MYCBP2: variants seen among roughly 807,000 people sequenced by gnomAD.
MYCBP2 encodes the protein MYC binding protein 2.
MYCBP2 carries 120 observed loss-of-function variants against 525.3 expected under a neutral mutation model. The ratio of observed to expected loss-of-function variants is 0.23; its 90% CI spans 0.20 to 0.27. The LOEUF is 0.27. Ranked by LOEUF, MYCBP2 falls within the 10% of genes least tolerant of loss-of-function variation. The probability of loss-of-function intolerance (pLI) is 1.00; values close to 1 mark genes in which losing one functional copy is unlikely to be tolerated. For synonymous variants in MYCBP2, 1,894 were observed against 1,955.8 expected, an observed-to-expected ratio of 0.97 and a Z score of 0.83; for missense variants, 4,149 against 5,657.1, an observed-to-expected ratio of 0.73 and a Z score of 8.55.
At chr13:77,069,718 A>T (rs1256036182) in intron 69 of MYCBP2, among the ~76,000 whole-genome samples, 1 of 148,738 alleles carries the variant, frequency 6.7e-6, no homozygotes, top group Non-Finnish European at 1.5e-5. Context: ...AAAAAAAAAA[A>T]TTAGCCAGCC....
At chr13:77,165,179 G>A (rs1758306534) in intron 42 of MYCBP2, 94 bp downstream of exon 42, 1 of 1,092,466 alleles carries the variant, frequency 9.2e-7, no homozygotes, top group Admixed American at 2.3e-5. Context: ...TCGAATAGAG[G>A]CAACAGTACA....
At chr13:77,059,497 G>A in intron 77 of MYCBP2, 26 bp downstream of exon 77, 1 of 1,521,930 alleles carries the variant, frequency 6.6e-7, no homozygotes, top group South Asian at 1.1e-5. Context: ...TGGACAATGG[G>A]ATGGCCTGTG....
In MYCBP2 at chr13:77,270,323, T is replaced by C. The variant is rs779336385; in HGVS notation, c.1161A>G (p.Ile387Met). The part of the protein sequence containing the change: ...YLLCKDGLYK[I>M]GSGYSGTVRG... ...TAACTGTTCCACTGTATCCAGAGCCTATTTTATATAATCCATCCTTGCATA... is the reference window on the plus strand; with the variant it reads ...TAACTGTTCCACTGTATCCAGAGCCCATTTTATATAATCCATCCTTGCATA... Residue 387 changes from isoleucine (I) to methionine (M), a missense_variant, in exon 6 of 83, where the codon ATA becomes ATG. By Grantham distance (10) the Ile-to-Met change is conservative. Transcript: ENST00000544440. The C allele has an allele frequency of 6.2e-7, 1 of 1,613,250 alleles. No homozygotes were observed. Among genetic ancestry groups the C allele is most frequent in the Non-Finnish European group, 8.5e-7 (1 of 1,179,432 alleles).
intron 31 of MYCBP2, 99 bp from the exon 32 acceptor site, chr13:77,185,476 A>G: frequency 8.2e-7 from 1 of 1,221,180 alleles, no homozygotes; most frequent in Non-Finnish European, 1.1e-6. Flanking sequence ...GCTAAGTATC[A>G]CAAGTACTAA....
intron 1 of MYCBP2, among the ~76,000 whole-genome samples, chr13:77,325,681 C>T (rs759377365): frequency 2.0e-4 from 30 of 152,158 alleles, no homozygotes; most frequent in Non-Finnish European, 4.4e-4. Context: ...CCTACAAAAC[C>T]CTCTCTACTC....
intron 55 of MYCBP2, among the ~76,000 whole-genome samples, chr13:77,103,493 C>T (rs865997784): frequency 3.3e-5 from 5 of 151,896 alleles, no homozygotes; most frequent in Admixed American, 6.6e-5. Flanking sequence ...AAACAAAGGT[C>T]GAATTAATTA....
At chr13:77,278,125 C>CA (rs1182573340) in intron 4 of MYCBP2, among the ~76,000 whole-genome samples, 9 of 151,848 alleles carry the variant, frequency 5.9e-5, no homozygotes, top group Non-Finnish European at 7.4e-5. Flanking sequence ...ATGATGAATA[C>CA]AAAAAAAAGT....
chr13:77,049,913 G>C (rs759192919), intron 82 of MYCBP2, among the ~76,000 whole-genome samples: 10 of 152,146 alleles, frequency 6.6e-5, no homozygotes, highest in African/African-American at 9.7e-5. Context: ...TGGGATTACA[G>C]GTGTCAGTCA....
chr13:77,309,198 C>A (rs1399288236), intron 1 of MYCBP2, among the ~76,000 whole-genome samples: 1 of 152,156 alleles, frequency 6.6e-6, no homozygotes, highest in Non-Finnish European at 1.5e-5. Flanking sequence ...CTTTTCCCTG[C>A]CTCCTGAAAA....
At chr13:77,245,969 C>A (rs2069856899) in intron 15 of MYCBP2, among the ~76,000 whole-genome samples, 1 of 151,996 alleles carries the variant, frequency 6.6e-6, no homozygotes, top group Non-Finnish European at 1.5e-5. Context: ...ATTACCTGTT[C>A]TTTTTCTCCT....
At chr13:77,166,946 G>A (rs1209933691) in intron 40 of MYCBP2, among the ~76,000 whole-genome samples, 2 of 144,466 alleles carry the variant, frequency 1.4e-5, no homozygotes, top group Admixed American at 7.0e-5. Flanking sequence ...ACACTTAGAT[G>A]GGATATACTT....
At chr13:77,131,747 C>T (rs1186602587) in intron 52 of MYCBP2, among the ~76,000 whole-genome samples, 1 of 151,988 alleles carries the variant, frequency 6.6e-6, no homozygotes, top group East Asian at 1.9e-4. Flanking sequence ...ACATTTCATT[C>T]TCAAATACTA....
intron 52 of MYCBP2, among the ~76,000 whole-genome samples, chr13:77,132,132 G>A (rs1051911374): frequency 4.6e-5 from 7 of 152,010 alleles, no homozygotes; most frequent in Admixed American, 6.6e-5. Flanking sequence ...ATGAAATAAA[G>A]CTGTTCTTAA....
intron 80 of MYCBP2, 41 bp downstream of exon 80, chr13:77,055,517 G>A: frequency 6.6e-7 from 1 of 1,511,156 alleles, no homozygotes; most frequent in Non-Finnish European, 9.1e-7. Flanking sequence ...ATATAGGTAA[G>A]CTCTAGTTTT....
intron 59 of MYCBP2, among the ~76,000 whole-genome samples, chr13:77,092,303 C>G (rs1006492676): frequency 6.6e-6 from 1 of 152,112 alleles, no homozygotes; most frequent in Non-Finnish European, 1.5e-5. Flanking sequence ...TTATCTTTTT[C>G]ATTATCCAGT....
rs143328241 is a variant in MYCBP2, at chr13:77,174,446, C to T, written c.5516G>A (p.Arg1839His). The T allele has an allele frequency of 1.2e-6, 2 of 1,613,988 alleles. No individual in the cohort carries two copies. The highest frequency in any genetic ancestry group is 1.7e-6 in the Non-Finnish European group (2 of 1,179,924). The change falls in exon 37 of 83, where the codon CGT becomes CAT. Residue 1839 changes from arginine to histidine, a missense_variant. Arg to His is a conservative substitution (Grantham distance 29). This residue lies in a region of MYCBP2 where 109 missense variants were observed against 118.9 expected (regional missense o/e 0.92). Transcript: ENST00000544440. ...CATTCCTCCATCTCCATTGGCTGTA[C>T]GGCTTCCATAGTTCCTCAAGCGCAC... Reference protein sequence around the residue: ...YAVRLRNYGSRTANGDGGMTT... With the variant: ...YAVRLRNYGSHTANGDGGMTT...
intron 59 of MYCBP2, among the ~76,000 whole-genome samples, chr13:77,092,129 TTAAAG>T (rs1436801317): frequency 6.6e-6 from 1 of 151,508 alleles, no homozygotes; most frequent in Non-Finnish European, 1.5e-5. Flanking sequence ...ATTGCGCTCA[TTAAAG>T]TATTTATTAT....
At chr13:77,241,445 T>C (rs995448688) in intron 17 of MYCBP2, among the ~76,000 whole-genome samples, 2 of 152,174 alleles carry the variant, frequency 1.3e-5, no homozygotes, top group Admixed American at 1.3e-4. Flanking sequence ...CTCAACCTAA[T>C]ATTTCTAAAG....
intron 8 of MYCBP2, among the ~76,000 whole-genome samples, chr13:77,266,746 G>GAAAAAAAAAAAAAAAAAAAAAAAA (rs56408804): frequency 1.1e-5 from 1 of 89,414 alleles, no homozygotes; most frequent in Admixed American, 1.2e-4. Flanking sequence ...GACTTGTAAT[G>GAAAAAAAAAAAAAAAAAAAAAAAA]AAAAAAAAAA....
Sources: allele counts gnomAD v4.1 joint callset (sites outside exome capture counted in the v4.1 genomes callset), GRCh38; gene constraint gnomAD v4.1.1; regional missense constraint gnomAD v4.1.1; transcripts MANE v1.5; gene names NCBI Gene and HGNC (gene_info 2026-07-23, HGNC 2026-07-21).